GAB1: variants seen among roughly 807,000 people sequenced by gnomAD.
GAB1 encodes the protein GRB2-associated-binding protein 1.
In GAB1, 19 loss-of-function variants were observed where a neutral mutation model predicts 66.5. That is an observed-to-expected ratio of 0.29 (90% CI 0.20 to 0.42). The LOEUF is 0.42. Among genes scored for constraint, GAB1 ranks in the 10% least tolerant of loss-of-function variants. The pLI is 1.00. For missense variants in GAB1, 732 were observed against 858.5 expected (o/e 0.85, Z 1.84); for synonymous variants, 294 against 301.4 (o/e 0.98, Z 0.25).
At chr4:143,388,489 A>AC (rs1731022359) in intron 1 of GAB1, among the ~76,000 whole-genome samples, 1 of 152,166 alleles carries the variant, frequency 6.6e-6, no homozygotes, top group Non-Finnish European at 1.5e-5. Flanking sequence ...ATCTCGGCTC[A>AC]CTGCAACCTC....
chr4:143,461,222 T>G (rs889142331), intron 8 of GAB1, among the ~76,000 whole-genome samples: 8 of 152,230 alleles, frequency 5.3e-5, no homozygotes, highest in Non-Finnish European at 1.2e-4. Flanking sequence ...GTTATTTGTA[T>G]TTTAGTTGAT....
chr4:143,436,440 A>C (rs1218076821), intron 3 of GAB1, among the ~76,000 whole-genome samples: 2 of 152,152 alleles, frequency 1.3e-5, no homozygotes, highest in Non-Finnish European at 2.9e-5. Context: ...CTGTGTTTTG[A>C]AAATATTGAT....
chr4:143,370,272 G>A (rs1326772897), intron 1 of GAB1, among the ~76,000 whole-genome samples: 1 of 152,218 alleles, frequency 6.6e-6, no homozygotes, highest in Non-Finnish European at 1.5e-5. Context: ...CCTTATAGGA[G>A]CTGAGGTCTG....
chr4:143,459,172 A>G (rs1334089902), intron 6 of GAB1, among the ~76,000 whole-genome samples: 1 of 152,126 alleles, frequency 6.6e-6, no homozygotes, highest in South Asian at 2.1e-4. Context: ...GGTAACAATC[A>G]TGAAACATCT....
chr4:143,451,415 T>C (rs1008240562), intron 6 of GAB1, among the ~76,000 whole-genome samples: 21 of 152,260 alleles, frequency 1.4e-4, no homozygotes, highest in Middle Eastern at 3.4e-3. Flanking sequence ...GGAGTTATAA[T>C]TTATGATAAT....
chr4:143,362,330 A>G (rs1017539848), intron 1 of GAB1, among the ~76,000 whole-genome samples: 3 of 152,210 alleles, frequency 2.0e-5, no homozygotes, highest in African/African-American at 7.2e-5. Flanking sequence ...CCAGACCCCA[A>G]GAGACGGGCT....
intron 6 of GAB1, among the ~76,000 whole-genome samples, chr4:143,440,647 A>G (rs1397022553): frequency 6.6e-6 from 1 of 152,196 alleles, no homozygotes; most frequent in Non-Finnish European, 1.5e-5. Context: ...TGAGCGGACA[A>G]CTGGGGAGAA....
chr4:143,345,280 A>T (rs1483938492), intron 1 of GAB1, among the ~76,000 whole-genome samples: 4 of 152,026 alleles, frequency 2.6e-5, no homozygotes, highest in South Asian at 2.1e-4. Context: ...TGCTTTTCTG[A>T]TGGTGGTTTT....
intron 1 of GAB1, among the ~76,000 whole-genome samples, chr4:143,340,609 C>CA (rs1298425642): frequency 1.3e-5 from 2 of 152,150 alleles, no homozygotes; most frequent in Non-Finnish European, 2.9e-5. Flanking sequence ...CTCCCAGATA[C>CA]AAGCAGTTCT....
chr4:143,358,154 T>A (rs1385068410), intron 1 of GAB1, among the ~76,000 whole-genome samples: 1 of 152,186 alleles, frequency 6.6e-6, no homozygotes, highest in Non-Finnish European at 1.5e-5. Flanking sequence ...CTTAAAGTTT[T>A]TAGATTGAAG....
chr4:143,412,059 T>A (rs1242855538), intron 1 of GAB1, among the ~76,000 whole-genome samples: 1 of 152,232 alleles, frequency 6.6e-6, no homozygotes, highest in Non-Finnish European at 1.5e-5. Context: ...ACTAGCCCAA[T>A]ATATCTAATG....
intron 1 of GAB1, among the ~76,000 whole-genome samples, chr4:143,378,226 TTGG>T (rs543181350): frequency 1.1e-4 from 16 of 152,366 alleles, no homozygotes; most frequent in African/African-American, 3.4e-4. Flanking sequence ...TTAAAGAGAC[TTGG>T]TGGTGTGGTA....
chr4:143,362,573 A>G (rs1192809243), intron 1 of GAB1, among the ~76,000 whole-genome samples: 1 of 152,146 alleles, frequency 6.6e-6, no homozygotes. Flanking sequence ...TTTTAAAAAG[A>G]CCCTAAGGGG....
At chr4:143,416,960 A>G (rs1732725418) in intron 2 of GAB1, among the ~76,000 whole-genome samples, 1 of 152,208 alleles carries the variant, frequency 6.6e-6, no homozygotes, top group African/African-American at 2.4e-5. Flanking sequence ...AATTATCATT[A>G]CCTATGAAAT....
At chr4:143,385,071 G>A (rs553649833) in intron 1 of GAB1, among the ~76,000 whole-genome samples, 4 of 152,276 alleles carry the variant, frequency 2.6e-5, no homozygotes, top group South Asian at 4.2e-4. Context: ...ACATATCTGA[G>A]AGTCCTGTGT....
intron 3 of GAB1, chr4:143,434,174 T>C: frequency 7.9e-7 from 1 of 1,266,534 alleles, no homozygotes; most frequent in Non-Finnish European, 1.0e-6. Context: ...TTGCAGTGAG[T>C]GTGTTGTGGT....
At position 143,460,393 on chromosome 4, in the gene GAB1, C is replaced by G. The variant is rs866166445; in HGVS notation, c.1709C>G (p.Pro570Arg). The G allele has an allele frequency of 6.2e-7, 1 of 1,613,588 alleles. No homozygotes were observed. The highest frequency in any genetic ancestry group is 8.5e-7 in the Non-Finnish European group (1 of 1,179,650). ...DSSRFPMSPR[P>R]DSVHSTTSSS... ...TCCAGGTTTCCCATGTCCCCCCGACCAGATTCAGTGCATAGCACAACTTCA... is the reference window on the plus strand; with the variant it reads ...TCCAGGTTTCCCATGTCCCCCCGACGAGATTCAGTGCATAGCACAACTTCA... The change falls in exon 8 of 10, where the codon CCA becomes CGA. Residue 570 changes from proline to arginine, a missense_variant. By Grantham distance (103) the Pro-to-Arg change is moderately radical. Coordinates refer to ENST00000262994, the MANE Select transcript of GAB1 (RefSeq NM_002039.4).
chr4:143,387,284 A>T (rs1403115944), intron 1 of GAB1, among the ~76,000 whole-genome samples: 4 of 152,130 alleles, frequency 2.6e-5, no homozygotes, highest in Non-Finnish European at 5.9e-5. Context: ...GGCATGCGCC[A>T]CCACGCCCGG....
chr4:143,382,772 C>CT (rs914596443), intron 1 of GAB1, among the ~76,000 whole-genome samples: 87 of 147,658 alleles, frequency 5.9e-4, no homozygotes, highest in African/African-American at 1.2e-3. Flanking sequence ...GCAGTTAAGA[C>CT]TTTTTTTTTT....
Sources: gnomAD v4.1 joint callset for allele counts (sites outside exome capture counted in the v4.1 genomes callset) on GRCh38, gnomAD v4.1.1 for gene constraint, MANE v1.5 for transcripts, NCBI Gene and HGNC (gene_info 2026-07-23, HGNC 2026-07-21) for gene names.